Variants in ENOX1 observed in about 807,000 individuals in gnomAD.
ENOX1 encodes the protein ecto-NOX disulfide-thiol exchanger 1.
Under a neutral mutation model 82.5 loss-of-function variants are expected in ENOX1, and 42 were observed. The ratio of observed to expected loss-of-function variants is 0.51; its 90% CI spans 0.40 to 0.66. The LOEUF (loss-of-function observed/expected upper bound fraction) is 0.66, where lower values mean the gene tolerates loss of function less well. ENOX1 is among the 30% of genes least tolerant of loss of function. The pLI is 0.00. For missense variants in ENOX1, 608 were observed against 811.6 expected, an observed-to-expected ratio of 0.75 and a Z score of 3.05; for synonymous variants, 271 against 282.2, an observed-to-expected ratio of 0.96 and a Z score of 0.40.
intron 1 of ENOX1, among the ~76,000 whole-genome samples, chr13:43,766,377 T>C (rs1178615474): frequency 1.3e-5 from 2 of 152,210 alleles, no homozygotes; most frequent in Non-Finnish European, 2.9e-5. Context: ...CCAAAACACT[T>C]TCTTGTCACA....
At chr13:43,672,288 T>C (rs1200579409) in intron 1 of ENOX1, among the ~76,000 whole-genome samples, 4 of 152,244 alleles carry the variant, frequency 2.6e-5, no homozygotes, top group African/African-American at 9.6e-5. Flanking sequence ...GTAAAAACTT[T>C]AGTTAAGTAC....
chr13:43,662,109 A>G (rs1477298837), intron 2 of ENOX1, among the ~76,000 whole-genome samples: 2 of 152,214 alleles, frequency 1.3e-5, no homozygotes, highest in Non-Finnish European at 2.9e-5. Context: ...AGGCATTAAG[A>G]GAACAAGGTC....
chr13:43,584,524 T>C (rs1162516356), intron 2 of ENOX1, among the ~76,000 whole-genome samples: 1 of 152,212 alleles, frequency 6.6e-6, no homozygotes, highest in Non-Finnish European at 1.5e-5. Flanking sequence ...GACTATGGGA[T>C]CTAACGTGAT....
chr13:43,285,405 CTTT>C (rs1253947286), intron 12 of ENOX1, among the ~76,000 whole-genome samples: 1 of 152,030 alleles, frequency 6.6e-6, no homozygotes, highest in Non-Finnish European at 1.5e-5. Context: ...TTATATGGTT[CTTT>C]TATGTTTCCA....
At chr13:43,733,212 C>T (rs2089440424) in intron 1 of ENOX1, among the ~76,000 whole-genome samples, 1 of 152,094 alleles carries the variant, frequency 6.6e-6, no homozygotes, top group African/African-American at 2.4e-5. Flanking sequence ...TAATTTTATA[C>T]CATACACATA....
intron 5 of ENOX1, among the ~76,000 whole-genome samples, chr13:43,407,063 G>A (rs1227065012): frequency 6.6e-6 from 1 of 152,186 alleles, no homozygotes; most frequent in Non-Finnish European, 1.5e-5. Context: ...TCTCCTTCCA[G>A]TTGATGATTA....
chr13:43,340,630 A>G (rs1184165226), intron 9 of ENOX1, among the ~76,000 whole-genome samples: 2 of 152,262 alleles, frequency 1.3e-5, no homozygotes, highest in African/African-American at 4.8e-5. Context: ...AGAATTTGGT[A>G]AAGTGTGGCA....
chr13:43,769,568 A>G (rs1486154252), intron 1 of ENOX1, among the ~76,000 whole-genome samples: 3 of 152,200 alleles, frequency 2.0e-5, no homozygotes, highest in Non-Finnish European at 4.4e-5. Context: ...GGAGAAGGAG[A>G]TAGTAACAGA....
At chr13:43,492,083 C>G (rs1014235579) in intron 2 of ENOX1, among the ~76,000 whole-genome samples, 2 of 152,170 alleles carry the variant, frequency 1.3e-5, no homozygotes, top group Non-Finnish European at 2.9e-5. Flanking sequence ...CCCTGTTTCT[C>G]TGATCAGCTA....
At chr13:43,396,759 A>G (rs1217778139) in intron 5 of ENOX1, among the ~76,000 whole-genome samples, 1 of 152,186 alleles carries the variant, frequency 6.6e-6, no homozygotes, top group Admixed American at 6.5e-5. Flanking sequence ...CCTTCCAGAT[A>G]TTAACCAGAT....
chr13:43,732,150 A>G (rs1464875436), intron 1 of ENOX1, among the ~76,000 whole-genome samples: 1 of 152,196 alleles, frequency 6.6e-6, no homozygotes, highest in African/African-American at 2.4e-5. Flanking sequence ...CTTGGCTATC[A>G]CCTAAACAGC....
intron 1 of ENOX1, among the ~76,000 whole-genome samples, chr13:43,769,987 T>TGATC (rs1328552181): frequency 1.3e-5 from 2 of 152,210 alleles, no homozygotes; most frequent in Non-Finnish European, 2.9e-5. Context: ...TCCAGCAATT[T>TGATC]CTCTAATAAG....
At position 43,326,571 on chromosome 13, in the gene ENOX1, G is replaced by A. The variant is rs370105245; in HGVS notation, c.1037-46C>T. On this transcript the variant is annotated intron_variant, in intron 9 of 16. Transcript: ENST00000690772. ...AAACAAGACAAGTAATTTATGTTGT[G>A]ATCACTATAGGGAAGCAAAGCAAAG... 1,189 of 1,491,420 alleles carry A rather than the reference G, an allele frequency of 8.0e-4. 2 individuals carry two copies. Among genetic ancestry groups the A allele is most frequent in the Non-Finnish European group, 9.8e-4 (1,048 of 1,068,260 alleles). The allele number at this position is 1,491,420 out of a possible 1,614,324, so 92.4% of individuals were successfully genotyped here. A position where few individuals can be genotyped will look rare whatever the true frequency, so the allele number is the denominator to read the frequency against.
In ENOX1 at chr13:43,781,519, A is replaced by AT. The variant is rs559475590; in HGVS notation, c.-285+5132dup. Among the ~76,000 whole-genome samples the AT allele has an allele frequency of 5.2e-4, 76 of 145,712 alleles. 1 individual carries two copies. The highest frequency in any genetic ancestry group is 8.5e-4 in the African/African-American group (34 of 39,896). On this transcript the variant is annotated intron_variant, in intron 1 of 16. Coordinates refer to ENST00000690772, the MANE Select transcript of ENOX1 (RefSeq NM_001347969.2). ...CAATCAAATACTACTTTTGTCCACT[A>AT]TTTTTTTTTTTTAGATGGAGTTTCG...
chr13:43,429,065 C>G (rs1339079746), intron 3 of ENOX1, among the ~76,000 whole-genome samples: 1 of 152,152 alleles, frequency 6.6e-6, no homozygotes, highest in Admixed American at 6.5e-5. Flanking sequence ...TCTGACTCTC[C>G]TAAGAAACGT....
At chr13:43,389,605 T>C (rs2052643090) in intron 5 of ENOX1, among the ~76,000 whole-genome samples, 3 of 152,154 alleles carry the variant, frequency 2.0e-5, no homozygotes, top group African/African-American at 7.2e-5. Context: ...TTATCCACAA[T>C]ACATATGATC....
At chr13:43,477,269 A>C (rs1325504031) in intron 3 of ENOX1, among the ~76,000 whole-genome samples, 1 of 151,440 alleles carries the variant, frequency 6.6e-6, no homozygotes, top group African/African-American at 2.4e-5. Context: ...TCATGATAGT[A>C]CCTCTGGGAA....
intron 2 of ENOX1, among the ~76,000 whole-genome samples, chr13:43,568,952 C>T (rs1365964797): frequency 6.6e-6 from 1 of 152,034 alleles, no homozygotes; most frequent in South Asian, 2.1e-4. Flanking sequence ...CTGCTAGCTA[C>T]GGGGATAGGG....
intron 2 of ENOX1, among the ~76,000 whole-genome samples, chr13:43,596,846 T>C (rs1329285): frequency 0.43 from 64,857 of 152,128 alleles, 16,429 homozygotes; most frequent in East Asian, 0.79. Context: ...TGCCTATGCT[T>C]GGGCAAGTGC....
Sources: allele counts gnomAD v4.1 joint callset (sites outside exome capture counted in the v4.1 genomes callset), GRCh38; gene constraint gnomAD v4.1.1; transcripts MANE v1.5; gene names NCBI Gene and HGNC (gene_info 2026-07-23, HGNC 2026-07-21).